RALGPS2: variants seen among roughly 807,000 people sequenced by gnomAD.
RALGPS2 encodes the protein Ral GEF with PH domain and SH3 binding motif 2, also known as ras-specific guanine nucleotide-releasing factor RalGPS2.
A neutral mutation model predicts 86.8 loss-of-function variants in RALGPS2; 43 were observed. That is an observed-to-expected ratio of 0.50 (90% CI 0.39 to 0.64). The LOEUF is 0.64. Ranked by LOEUF, RALGPS2 falls within the 30% of genes least tolerant of loss-of-function variation. RALGPS2 has a pLI of 0.00. For synonymous variants in RALGPS2, 243 were observed against 231.3 expected (o/e 1.05, Z -0.46); for missense variants, 536 against 694.6 (o/e 0.77, Z 2.57).
chr1:178,804,404 T>C (rs1654635337), intron 4 of RALGPS2, among the ~76,000 whole-genome samples: 2 of 138,864 alleles, frequency 1.4e-5, no homozygotes, highest in African/African-American at 5.3e-5. Flanking sequence ...ATTAGGTATA[T>C]CTCCCAATGC....
intron 1 of RALGPS2, chr1:178,747,530 G>T (rs1417431147): frequency 1.2e-6 from 2 of 1,611,860 alleles, no homozygotes; most frequent in Non-Finnish European, 1.7e-6. Context: ...AACTGCTTTG[G>T]TCTTCTGCTG....
chr1:178,885,432 G>A, intron 12 of RALGPS2: 1 of 485,418 alleles, frequency 2.1e-6, no homozygotes, highest in South Asian at 2.9e-5. Context: ...TTTATATTTG[G>A]GGACGATAAA....
intron 1 of RALGPS2, among the ~76,000 whole-genome samples, chr1:178,729,535 A>G (rs1386812681): frequency 6.6e-6 from 1 of 152,262 alleles, no homozygotes; most frequent in Non-Finnish European, 1.5e-5. Context: ...GCAGTTAAAA[A>G]GAAAATTGTA....
chr1:178,766,858 T>G (rs1652531924), intron 1 of RALGPS2, among the ~76,000 whole-genome samples: 1 of 152,262 alleles, frequency 6.6e-6, no homozygotes, highest in South Asian at 2.1e-4. Context: ...GCCTGCTTTT[T>G]CTCCCTTTCA....
chr1:178,814,185 T>C (rs1156652896), intron 6 of RALGPS2, among the ~76,000 whole-genome samples: 1 of 152,240 alleles, frequency 6.6e-6, no homozygotes, highest in African/African-American at 2.4e-5. Context: ...AATTGAATTA[T>C]TCCATATTTA....
In RALGPS2 at chr1:178,774,707, C is replaced by T. The variant is rs114479387; in HGVS notation, c.-83-1975C>T. ...TTGTTTTGTAGTTTATTCATTTTCA[C>T]GTTGATTTTCTAAGTAGGTGCGTTA... On this transcript the variant is annotated intron_variant, in intron 1 of 19. Transcript: ENST00000367635. 3.7e-3 allele frequency among the ~76,000 whole-genome samples: 560 copies of T among 152,240 alleles called. 5 individuals carry two copies. Among genetic ancestry groups the T allele is most frequent in the African/African-American group, 0.012 (506 of 41,542 alleles).
intron 8 of RALGPS2, chr1:178,853,825 T>A: frequency 6.8e-7 from 1 of 1,480,138 alleles, no homozygotes; most frequent in Non-Finnish European, 9.0e-7. Flanking sequence ...GCAAACTTAA[T>A]ATGAGAAGAG....
chr1:178,849,411 G>A (rs1657036665), intron 8 of RALGPS2, among the ~76,000 whole-genome samples: 1 of 152,166 alleles, frequency 6.6e-6, no homozygotes, highest in Non-Finnish European at 1.5e-5. Context: ...ATTCAGCCTA[G>A]TTTTCCAAGG....
chr1:178,734,914 T>C (rs1650586585), intron 1 of RALGPS2, among the ~76,000 whole-genome samples: 1 of 152,210 alleles, frequency 6.6e-6, no homozygotes, highest in African/African-American at 2.4e-5. Context: ...AGCAGATCTT[T>C]TTTTCTTTAT....
At chr1:178,891,688 G>T (rs984997551) in intron 14 of RALGPS2, among the ~76,000 whole-genome samples, 2 of 152,004 alleles carry the variant, frequency 1.3e-5, no homozygotes, top group Middle Eastern at 3.4e-3. Context: ...GTCAGTTAAT[G>T]TAGAAATAAT....
chr1:178,807,192 C>T (rs1235423197), intron 4 of RALGPS2, among the ~76,000 whole-genome samples: 1 of 152,002 alleles, frequency 6.6e-6, no homozygotes, highest in Non-Finnish European at 1.5e-5. Flanking sequence ...CAAAATTAGC[C>T]GAATGTGGTG....
intron 4 of RALGPS2, 127 bp from the exon 5 acceptor site, chr1:178,807,918 G>A: frequency 1.4e-6 from 1 of 700,160 alleles, no homozygotes; most frequent in South Asian, 1.6e-5. Flanking sequence ...ATAATATTAT[G>A]TATGTTCCCA....
chr1:178,890,048 G>A (rs1321916587), intron 14 of RALGPS2, among the ~76,000 whole-genome samples: 1 of 151,786 alleles, frequency 6.6e-6, no homozygotes, highest in Non-Finnish European at 1.5e-5. Context: ...GGCATTTAGT[G>A]GAATGGTCAA....
In RALGPS2 at chr1:178,877,648, G is replaced by A; in HGVS notation, c.745+13G>A. 6.2e-7 allele frequency: 1 copy of A among 1,611,860 alleles called. No individual in the cohort carries two copies. Among genetic ancestry groups the A allele is most frequent in the Non-Finnish European group, 8.5e-7 (1 of 1,178,664 alleles). On this transcript the variant is annotated intron_variant, in intron 9 of 19. Coordinates refer to ENST00000367635, the MANE Select transcript of RALGPS2 (RefSeq NM_152663.5). ...TCTTGTGAATATGGTAAGTTTCTAG[G>A]GGATAATGCCAAGCCATTAAGATTG...
rs1659474355 is a variant in RALGPS2 at position 178,886,188 on chromosome 1, GA to G, written c.1192+75del. 20 of 1,512,554 alleles carry G rather than the reference GA, an allele frequency of 1.3e-5. No homozygotes were observed. The East Asian group carries it at 2.3e-4, about 18-fold the overall frequency. The allele number at this position is 1,512,554 out of a possible 1,614,324, so 93.7% of individuals were successfully genotyped here. A position where few individuals can be genotyped will look rare whatever the true frequency, so the allele number is the denominator to read the frequency against. On this transcript the variant is annotated intron_variant, in intron 13 of 19. Transcript: ENST00000367635. ...TAAAAATGTTAATAAAACTTGGCTG[GA>G]AAAAAACCCCACCCACACACAGAGA... is the stretch of plus-strand genomic sequence containing the variant.
intron 18 of RALGPS2, among the ~76,000 whole-genome samples, chr1:178,904,848 T>C (rs562357938): frequency 6.6e-6 from 1 of 152,200 alleles, no homozygotes; most frequent in Non-Finnish European, 1.5e-5. Context: ...TTTGATTGTA[T>C]GTGAATTTTA....
Position 178,886,074 on chromosome 1 carries a change from T to C in RALGPS2, c.1146T>C (p.Ser382=). The C allele has an allele frequency of 6.2e-7, 1 of 1,613,710 alleles. No individual in the cohort carries two copies. Residue 382 remains serine, a synonymous_variant, in exon 13 of 20, where the codon TCT becomes TCC. Transcript: ENST00000367635. ...GCGTCATGGAGCCCCATGCGCCATC[T>C]CGAGGCCAAGCTGAAAGTTCTACTC... ...DDSVMEPHAP[S]RGQAESSTLS...
rs934051653 is a variant in RALGPS2 at position 178,897,838 on chromosome 1, A to G, written c.1524+82A>G. ...AAGAAAGCAGTCCTAATGGGATACA[A>G]AGGTTTTTTGGGTTTGCCTTGTTTT... On this transcript the variant is annotated intron_variant, in intron 17 of 19. Coordinates refer to ENST00000367635, the MANE Select transcript of RALGPS2 (RefSeq NM_152663.5). 4 of 1,203,500 alleles carry G rather than the reference A, an allele frequency of 3.3e-6. No homozygotes were observed. The East Asian group carries it at 7.4e-5, about 22-fold the overall frequency. 74.6% of individuals were successfully genotyped at this position (1,203,500 alleles called of 1,614,324 possible). A position where few individuals can be genotyped will look rare whatever the true frequency, so the allele number is the denominator to read the frequency against.
intron 1 of RALGPS2, among the ~76,000 whole-genome samples, chr1:178,729,876 G>A (rs1343634782): frequency 1.3e-5 from 2 of 152,118 alleles, no homozygotes; most frequent in Non-Finnish European, 2.9e-5. Flanking sequence ...AACCATAGGT[G>A]TTTCTTCTAT....
Sources: gnomAD v4.1 joint callset for allele counts (sites outside exome capture counted in the v4.1 genomes callset) on GRCh38, gnomAD v4.1.1 for gene constraint, MANE v1.5 for transcripts, NCBI Gene and HGNC (gene_info 2026-07-23, HGNC 2026-07-21) for gene names.